DOCK3: variants seen among roughly 807,000 people sequenced by gnomAD.
DOCK3 encodes dedicator of cytokinesis protein 3.
A neutral mutation model predicts 265.6 loss-of-function variants in DOCK3; 60 were observed. The observed-to-expected ratio is 0.23, with a 90% CI of 0.18 to 0.28. The LOEUF is 0.28. Ranked by LOEUF, DOCK3 falls within the 10% of genes least tolerant of loss-of-function variation. The pLI is 1.00. For missense variants in DOCK3, 1,981 were observed against 2,594.3 expected (o/e 0.76, Z 5.14); for synonymous variants, 881 against 938.0 (o/e 0.94, Z 1.11).
chr3:50,688,430 G>A (rs746751067), intron 1 of DOCK3, among the ~76,000 whole-genome samples: 1 of 152,094 alleles, frequency 6.6e-6, no homozygotes, highest in African/African-American at 2.4e-5. Context: ...CAATGAACCC[G>A]TAATTTAAGT....
intron 12 of DOCK3, among the ~76,000 whole-genome samples, chr3:51,189,646 T>G (rs2087822030): frequency 6.6e-6 from 1 of 152,226 alleles, no homozygotes. Flanking sequence ...TACATTTTCT[T>G]TACCCACTCA....
intron 4 of DOCK3, among the ~76,000 whole-genome samples, chr3:50,923,414 T>C (rs917015817): frequency 1.3e-5 from 2 of 152,228 alleles, no homozygotes; most frequent in Admixed American, 1.3e-4. Flanking sequence ...GAATTCCCTC[T>C]ATATAATGCC....
In DOCK3 at chr3:51,380,196, A is replaced by T; in HGVS notation, c.5572A>T (p.Thr1858Ser). ...TACCCCCCCAGCCCTCCCTGCCCGG[A>T]CCCTGCGCAAGGTAATGTACTGAAG... is the stretch of plus-strand genomic sequence containing the variant. Reference protein sequence around the residue: ...GDTPPALPARTLRKSPLHPIP... With the variant: ...GDTPPALPARSLRKSPLHPIP... The change falls in exon 52 of 53, where the codon ACC becomes TCC. Residue 1858 changes from threonine (T) to serine (S), a missense_variant. Coordinates refer to ENST00000266037, the MANE Select transcript of DOCK3 (RefSeq NM_004947.5). 9.8e-7 allele frequency: 1 copy of T among 1,016,828 alleles called. No individual in the cohort carries two copies. Among genetic ancestry groups the T allele is most frequent in the Non-Finnish European group, 1.5e-6 (1 of 661,584 alleles). 63.0% of individuals were successfully genotyped at this position (1,016,828 alleles called of 1,614,324 possible). A position where few individuals can be genotyped will look rare whatever the true frequency, so the allele number is the denominator to read the frequency against.
intron 1 of DOCK3, among the ~76,000 whole-genome samples, chr3:50,736,404 G>A (rs1289001015): frequency 6.6e-6 from 1 of 152,110 alleles, no homozygotes; most frequent in Non-Finnish European, 1.5e-5. Context: ...ATAATCATTT[G>A]GGCATATACC....
intron 27 of DOCK3, among the ~76,000 whole-genome samples, chr3:51,293,657 A>G (rs1004997200): frequency 2.0e-5 from 3 of 152,188 alleles, no homozygotes; most frequent in African/African-American, 7.2e-5. Context: ...GAAGAAAACA[A>G]TAGAATGAAG....
chr3:50,984,832 A>C (rs547813329), intron 5 of DOCK3, among the ~76,000 whole-genome samples: 1 of 152,372 alleles, frequency 6.6e-6, no homozygotes, highest in East Asian at 1.9e-4. Flanking sequence ...AAATTTAAAA[A>C]TAATATAAGA....
intron 36 of DOCK3, among the ~76,000 whole-genome samples, 166 bp downstream of exon 36, chr3:51,338,585 A>G (rs376223695): frequency 2.0e-5 from 3 of 152,258 alleles, no homozygotes; most frequent in African/African-American, 4.8e-5. Context: ...CCCCAAACAC[A>G]TTCCTACTTG....
At chr3:51,081,810 G>A (rs867339119) in intron 7 of DOCK3, among the ~76,000 whole-genome samples, 2 of 151,532 alleles carry the variant, frequency 1.3e-5, no homozygotes, top group South Asian at 4.2e-4. Context: ...GCAGGAGAAT[G>A]GCGTGAACCT....
chr3:51,190,414 G>A (rs2087874413), intron 12 of DOCK3, among the ~76,000 whole-genome samples: 1 of 152,142 alleles, frequency 6.6e-6, no homozygotes, highest in South Asian at 2.1e-4. Flanking sequence ...GAGATTCCTT[G>A]GTTATAAATA....
intron 1 of DOCK3, among the ~76,000 whole-genome samples, chr3:50,701,267 G>A (rs573427940): frequency 4.6e-4 from 69 of 151,576 alleles, no homozygotes; most frequent in African/African-American, 1.6e-3. Flanking sequence ...ACAGGTCCAC[G>A]CCACCACACC....
intron 4 of DOCK3, among the ~76,000 whole-genome samples, chr3:50,901,139 T>G (rs2049169837): frequency 6.6e-6 from 1 of 152,100 alleles, no homozygotes; most frequent in Non-Finnish European, 1.5e-5. Flanking sequence ...AGCCCCTGAA[T>G]GGGGCTGCTG....
intron 5 of DOCK3, among the ~76,000 whole-genome samples, chr3:50,941,193 A>G (rs34628582): frequency 0.094 from 14,358 of 152,216 alleles, 839 homozygotes; most frequent in Non-Finnish European, 0.12. Context: ...ATTTGTATCT[A>G]GAATATTTAT....
At chr3:51,075,573 T>C (rs2082030088) in intron 7 of DOCK3, 133 bp downstream of exon 7, 2 of 679,122 alleles carry the variant, frequency 2.9e-6, no homozygotes, top group Admixed American at 2.9e-5. Context: ...TTAAGTGATA[T>C]TCTGGCCATA....
At chr3:50,906,674 G>A (rs1364142676) in intron 4 of DOCK3, among the ~76,000 whole-genome samples, 1 of 151,810 alleles carries the variant, frequency 6.6e-6, no homozygotes, top group Non-Finnish European at 1.5e-5. Flanking sequence ...ATTCTTGCTA[G>A]AAGTCTATCA....
intron 2 of DOCK3, among the ~76,000 whole-genome samples, chr3:50,824,883 A>T (rs1473409530): frequency 6.6e-6 from 1 of 152,126 alleles, no homozygotes; most frequent in Non-Finnish European, 1.5e-5. Context: ...TACTGTTAGG[A>T]CTCAAAAAAG....
chr3:51,052,001 C>G (rs1396720479), intron 5 of DOCK3, among the ~76,000 whole-genome samples: 1 of 152,122 alleles, frequency 6.6e-6, no homozygotes, highest in Non-Finnish European at 1.5e-5. Context: ...TCCTCACCTC[C>G]AGTACTAGGG....
chr3:51,243,082 G>T (rs1207858810), intron 21 of DOCK3, among the ~76,000 whole-genome samples: 10 of 152,186 alleles, frequency 6.6e-5, no homozygotes, highest in Admixed American at 1.3e-4. Context: ...GGGTGCTCAG[G>T]ATAGACCAGC....
chr3:51,242,216 T>C (rs374927656), intron 21 of DOCK3, among the ~76,000 whole-genome samples: 25 of 152,160 alleles, frequency 1.6e-4, no homozygotes, highest in African/African-American at 6.0e-4. Context: ...TCCTGGACTG[T>C]GCACTCTAAC....
At chr3:51,275,414 C>T (rs183344855) in intron 25 of DOCK3, among the ~76,000 whole-genome samples, 1 of 152,178 alleles carries the variant, frequency 6.6e-6, no homozygotes, top group East Asian at 1.9e-4. Context: ...TTAAAGGTTG[C>T]ACTACCATAA....
Sources: gnomAD v4.1 joint callset for allele counts (sites outside exome capture counted in the v4.1 genomes callset) on GRCh38, gnomAD v4.1.1 for gene constraint, MANE v1.5 for transcripts, NCBI Gene and HGNC (gene_info 2026-07-23, HGNC 2026-07-21) for gene names.